The following CAST variants were observed in gnomAD, a reference collection of about 807,000 sequenced individuals.
CAST encodes calpastatin, also known as MIR583 host.
In CAST, 76 loss-of-function variants were observed where a neutral mutation model predicts 119.6. That is an observed-to-expected ratio of 0.64 (90% confidence interval 0.53 to 0.77). CAST has a LOEUF of 0.77. Among genes scored for constraint, CAST ranks in the 30% least tolerant of loss-of-function variants. The pLI is 0.00. For synonymous variants in CAST, 319 were observed against 331.6 expected (o/e 0.96, Z 0.41); for missense variants, 953 against 946.5 (o/e 1.01, Z -0.09).
At chr5:96,447,549 G>A in the CAST span, among the ~76,000 whole-genome samples, 15 of 152,152 alleles carry the variant, frequency 9.9e-5, no homozygotes, top group Middle Eastern at 3.4e-3. Flanking sequence ...TGTTACTCAC[G>A]GGCAGAAAAT....
At chr5:96,279,094 C>G in the CAST span, among the ~76,000 whole-genome samples, 5 of 152,154 alleles carry the variant, frequency 3.3e-5, no homozygotes, top group African/African-American at 1.2e-4. Context: ...ATTTCTTTTT[C>G]TGCCAAATAT....
At chr5:96,035,500 T>A in the CAST span, among the ~76,000 whole-genome samples, 1 of 151,900 alleles carries the variant, frequency 6.6e-6, no homozygotes, top group African/African-American at 2.4e-5. Context: ...GGGATGGAGC[T>A]GGGAATCTGT....
chr5:96,191,287 CT>C, the CAST span, among the ~76,000 whole-genome samples: 32 of 152,320 alleles, frequency 2.1e-4, no homozygotes, highest in African/African-American at 7.0e-4. Flanking sequence ...GCCTGAGGCA[CT>C]TTTGACTATA....
intron 2 of CAST, among the ~76,000 whole-genome samples, chr5:96,681,249 A>G (rs536353087): frequency 2.6e-5 from 4 of 152,352 alleles, no homozygotes; most frequent in East Asian, 3.9e-4. Flanking sequence ...AAGTCCATCA[A>G]TACAAAATTG....
chr5:96,234,826 GTA>G, the CAST span, among the ~76,000 whole-genome samples: 1 of 152,082 alleles, frequency 6.6e-6, no homozygotes, highest in African/African-American at 2.4e-5. Flanking sequence ...GTGTATGTGT[GTA>G]TGTGTGTGTG....
At chr5:96,134,566 AG>A in the CAST span, among the ~76,000 whole-genome samples, 1 of 152,304 alleles carries the variant, frequency 6.6e-6, no homozygotes, top group Admixed American at 6.5e-5. Context: ...GTCAATTTGT[AG>A]GAAGTCTGGT....
chr5:96,351,578 G>T, the CAST span, among the ~76,000 whole-genome samples: 1 of 152,104 alleles, frequency 6.6e-6, no homozygotes, highest in Non-Finnish European at 1.5e-5. Context: ...TGTTATCCCA[G>T]TATAATTAAG....
chr5:96,762,514 CTGA>C (rs1201488806), intron 25 of CAST, 142 bp downstream of exon 25: 3 of 543,540 alleles, frequency 5.5e-6, no homozygotes, highest in Non-Finnish European at 9.9e-6. Flanking sequence ...AGAGCCGAGA[CTGA>C]TGATTTAGCG....
chr5:96,637,809 T>C (rs956894216), intron 1 of CAST, among the ~76,000 whole-genome samples: 1 of 152,216 alleles, frequency 6.6e-6, no homozygotes, highest in Admixed American at 6.5e-5. Context: ...AAATATATGA[T>C]AATTTAAGAA....
At chr5:96,083,160 T>C in the CAST span, among the ~76,000 whole-genome samples, 1 of 152,218 alleles carries the variant, frequency 6.6e-6, no homozygotes, top group Non-Finnish European at 1.5e-5. Context: ...TATTGCTTTA[T>C]ATGCTCTTCC....
chr5:96,452,882 G>A, the CAST span, among the ~76,000 whole-genome samples: 2 of 138,540 alleles, frequency 1.4e-5, no homozygotes, highest in Non-Finnish European at 3.0e-5. Context: ...CCCGGGAAGC[G>A]GAGCTTGCAG....
chr5:96,325,027 A>G, the CAST span, among the ~76,000 whole-genome samples: 1 of 152,130 alleles, frequency 6.6e-6, no homozygotes, highest in African/African-American at 2.4e-5. Flanking sequence ...CAACATGGTG[A>G]AACCTCGTCT....
At chr5:96,532,031 T>G (rs568565255) in intron 1 of CAST, among the ~76,000 whole-genome samples, 11 of 152,178 alleles carry the variant, frequency 7.2e-5, no homozygotes, top group South Asian at 2.1e-4. Flanking sequence ...GGCAAGAGAA[T>G]TGCTTGAGCC....
At chr5:96,514,227 T>A in the CAST span, among the ~76,000 whole-genome samples, 3 of 152,158 alleles carry the variant, frequency 2.0e-5, no homozygotes, top group Non-Finnish European at 2.9e-5. Flanking sequence ...ATCAGTTAGT[T>A]TAAATATTTT....
At chr5:96,520,587 GTGTC>G (rs1252374923), upstream of CAST, among the ~76,000 whole-genome samples, 1 of 152,078 alleles carries the variant, frequency 6.6e-6, no homozygotes, top group Non-Finnish European at 1.5e-5. Context: ...CTGTGTGTGT[GTGTC>G]TGTGTACCTG....
At chr5:96,396,105 T>C in the CAST span, among the ~76,000 whole-genome samples, 1 of 152,192 alleles carries the variant, frequency 6.6e-6, no homozygotes, top group Non-Finnish European at 1.5e-5. Context: ...CATTCTTTTT[T>C]TGCTCTATGA....
chr5:96,326,638 A>G, the CAST span, among the ~76,000 whole-genome samples: 2 of 150,558 alleles, frequency 1.3e-5, no homozygotes, highest in Admixed American at 6.6e-5. Flanking sequence ...GTTTGTTTGC[A>G]GGCCTGTATT....
chr5:96,062,973 G>C, the CAST span, among the ~76,000 whole-genome samples: 3 of 152,118 alleles, frequency 2.0e-5, no homozygotes, highest in African/African-American at 7.2e-5. Flanking sequence ...CTGAGTATCA[G>C]TTGTGGTCTT....
chr5:96,124,737 G>A, the CAST span, among the ~76,000 whole-genome samples: 1 of 152,196 alleles, frequency 6.6e-6, no homozygotes, highest in Non-Finnish European at 1.5e-5. Context: ...TCTTAATAGT[G>A]ATGACCAACA....
Sources: allele counts gnomAD v4.1 joint callset (sites outside exome capture counted in the v4.1 genomes callset), GRCh38; gene constraint gnomAD v4.1.1; transcripts MANE v1.5; gene names NCBI Gene and HGNC (gene_info 2026-07-23, HGNC 2026-07-21).